The following ANK3 variants were observed in gnomAD, a reference collection of about 807,000 sequenced individuals.
ANK3 encodes the protein ankyrin-3.
A neutral mutation model predicts 370.9 loss-of-function variants in ANK3; 57 were observed. That is an observed-to-expected ratio of 0.15 (90% CI 0.12 to 0.19). The LOEUF (loss-of-function observed/expected upper bound fraction) is 0.19, where lower values mean the gene tolerates loss of function less well. Among genes scored for constraint, ANK3 ranks in the 10% least tolerant of loss-of-function variants. The pLI, the probability that ANK3 is intolerant of heterozygous loss-of-function variation, is 1.00. For synonymous variants in ANK3, 1,929 were observed against 1,946.3 expected (o/e 0.99, Z 0.23); for missense variants, 4,439 against 5,302.1 (o/e 0.84, Z 5.06).
chr10:60,437,426 T>C (rs2064185863), intron 2 of ANK3, among the ~76,000 whole-genome samples: 1 of 152,176 alleles, frequency 6.6e-6, no homozygotes, highest in African/African-American at 2.4e-5. Flanking sequence ...AGTAGGGCTG[T>C]CATGTAGGGG....
chr10:60,238,209 T>A (rs1363619725), intron 7 of ANK3, among the ~76,000 whole-genome samples: 1 of 152,180 alleles, frequency 6.6e-6, no homozygotes, highest in Non-Finnish European at 1.5e-5. Flanking sequence ...TGCCCTACTA[T>A]GAGTAACGCT....
At chr10:60,210,036 A>G (rs73269468) in intron 9 of ANK3, among the ~76,000 whole-genome samples, 3,460 of 152,294 alleles carry the variant, frequency 0.023, 126 homozygotes, top group African/African-American at 0.076. Flanking sequence ...TTCTTAGCTC[A>G]GTAAGATGAA....
chr10:60,042,654 G>C lies in ANK3; in HGVS notation c.*19+18C>G. ...CAGGAATTTAAGTCCTACTGTTGTT[G>C]ATATGAACACACCTCACCTTGACTG... On this transcript the variant is annotated intron_variant, in intron 43 of 43. Transcript: ENST00000280772. 1 of 1,604,928 alleles carries C rather than the reference G, an allele frequency of 6.2e-7. No homozygotes were observed. Among genetic ancestry groups the C allele is most frequent in the Non-Finnish European group, 8.5e-7 (1 of 1,172,940 alleles).
At chr10:60,172,031 CA>C (rs1332728848) in intron 21 of ANK3, among the ~76,000 whole-genome samples, 5 of 152,108 alleles carry the variant, frequency 3.3e-5, no homozygotes, top group African/African-American at 1.2e-4. Flanking sequence ...CTTGTTATAT[CA>C]AAGCAAACAA....
chr10:60,082,315 G>C (rs1359254002), intron 34 of ANK3, 139 bp from the exon 35 acceptor site: 3 of 837,362 alleles, frequency 3.6e-6, no homozygotes, highest in Admixed American at 5.4e-5. Context: ...TTTAAAAAAA[G>C]CCAACAAAAA....
chr10:60,460,318 T>C (rs545367783), intron 2 of ANK3, among the ~76,000 whole-genome samples: 2 of 152,164 alleles, frequency 1.3e-5, no homozygotes, highest in Non-Finnish European at 2.9e-5. Flanking sequence ...AGAAAGGCAG[T>C]ATTTAGGAAA....
intron 24 of ANK3, 24 bp downstream of exon 24, chr10:60,138,940 T>G: frequency 1.2e-6 from 2 of 1,611,188 alleles, no homozygotes; most frequent in Non-Finnish European, 1.7e-6. Flanking sequence ...AAATTAACTA[T>G]GAAAGACAGC....
At chr10:60,226,568 G>GTA (rs1441739101) in intron 8 of ANK3, among the ~76,000 whole-genome samples, 1 of 18,694 alleles carries the variant, frequency 5.3e-5, no homozygotes, top group Non-Finnish European at 9.7e-5. Context: ...TATATACATA[G>GTA]TATATGTATA....
intron 1 of ANK3, among the ~76,000 whole-genome samples, chr10:60,677,003 C>A (rs1003758786): frequency 2.6e-5 from 4 of 152,140 alleles, no homozygotes; most frequent in Non-Finnish European, 4.4e-5. Flanking sequence ...CCACATGTAT[C>A]ACATATGTAC....
intron 2 of ANK3, among the ~76,000 whole-genome samples, chr10:60,516,143 T>A (rs902402670): frequency 2.0e-5 from 3 of 151,472 alleles, no homozygotes; most frequent in Non-Finnish European, 4.4e-5. Context: ...AAGGAGGAGG[T>A]GAAATTTATG....
chr10:60,140,379 T>G, intron 23 of ANK3: 1 of 1,613,846 alleles, frequency 6.2e-7, no homozygotes, highest in Non-Finnish European at 8.5e-7. Flanking sequence ...TCCACTAGGC[T>G]TGGATGATCA....
At chr10:60,690,320 C>G (rs1469382676) in intron 1 of ANK3, among the ~76,000 whole-genome samples, 1 of 152,110 alleles carries the variant, frequency 6.6e-6, no homozygotes, top group Non-Finnish European at 1.5e-5. Flanking sequence ...AGGGGATTTC[C>G]CTTTCCTTTT....
chr10:60,298,372 C>A (rs1237049660), intron 1 of ANK3, among the ~76,000 whole-genome samples: 3 of 152,112 alleles, frequency 2.0e-5, no homozygotes, highest in Non-Finnish European at 2.9e-5. Context: ...ATCTACTATA[C>A]CCTCTTTGCA....
At position 60,031,365 on chromosome 10, in the gene ANK3, C is replaced by G. The variant is rs556985273; in HGVS notation, c.*20-1539G>C. Among the ~76,000 whole-genome samples the G allele has an allele frequency of 2.4e-4, 36 of 152,224 alleles. No homozygotes were observed. The South Asian group carries it at 7.3e-3, about 31-fold the overall frequency. ...TGCATAAAGCATCTGTGTTTTATAA[C>G]CAGTCTTACTGTGTCAAAATAAATC... On this transcript the variant is annotated intron_variant, in intron 43 of 43. Transcript: ENST00000280772.
At chr10:60,204,018 GT>G (rs1306163668) in intron 11 of ANK3, among the ~76,000 whole-genome samples, 2 of 151,988 alleles carry the variant, frequency 1.3e-5, no homozygotes, top group Non-Finnish European at 2.9e-5. Flanking sequence ...AAGCTAACCT[GT>G]TTTTTAAAAA....
At chr10:60,366,758 T>G (rs2059437895) in intron 1 of ANK3, among the ~76,000 whole-genome samples, 1 of 152,122 alleles carries the variant, frequency 6.6e-6, no homozygotes, top group Non-Finnish European at 1.5e-5. Flanking sequence ...CTATCCTTTT[T>G]CACAGAGTTA....
At chr10:60,596,475 T>C (rs1348281) in intron 2 of ANK3, among the ~76,000 whole-genome samples, 105,045 of 152,016 alleles carry the variant, frequency 0.69, 36,751 homozygotes, top group South Asian at 0.88. Context: ...CTATACGCTA[T>C]GGTAGAATCA....
chr10:60,093,203 A>G (rs1218935683), intron 28 of ANK3, among the ~76,000 whole-genome samples: 2 of 152,218 alleles, frequency 1.3e-5, no homozygotes, highest in Non-Finnish European at 2.9e-5. Flanking sequence ...GGCTTAAGAG[A>G]GTGAATTCCT....
intron 4 of ANK3, among the ~76,000 whole-genome samples, chr10:60,277,958 G>C (rs181450501): frequency 8.5e-5 from 13 of 152,336 alleles, no homozygotes; most frequent in Non-Finnish European, 4.4e-5. Flanking sequence ...TACATGACCT[G>C]TCTGTGGAGA....
Sources: allele counts gnomAD v4.1 joint callset (sites outside exome capture counted in the v4.1 genomes callset), GRCh38; gene constraint gnomAD v4.1.1; transcripts MANE v1.5; gene names NCBI Gene and HGNC (gene_info 2026-07-23, HGNC 2026-07-21).